Variants in PTCD2 observed in about 807,000 individuals in gnomAD.
The protein encoded by PTCD2 is pentatricopeptide repeat domain 2, also known as pentatricopeptide repeat-containing protein 2, mitochondrial.
In PTCD2, 31 loss-of-function variants were observed where a neutral mutation model predicts 42.6. The observed-to-expected ratio is 0.73, with a 90% CI of 0.55 to 0.98. The LOEUF is 0.98. PTCD2 is among the 50% of genes least tolerant of loss of function. PTCD2 has a pLI of 0.00. For synonymous variants in PTCD2, 183 were observed against 170.9 expected, an observed-to-expected ratio of 1.07 and a Z score of -0.55; for missense variants, 476 against 454.8, an observed-to-expected ratio of 1.05 and a Z score of -0.42.
chr5:72,331,617 C>T (rs1416172217), intron 4 of PTCD2, among the ~76,000 whole-genome samples: 1 of 152,112 alleles, frequency 6.6e-6, no homozygotes, highest in Non-Finnish European at 1.5e-5. Context: ...GGATGTGTAT[C>T]AATGTGGGTT....
chr5:72,363,900 T>G lies in PTCD2; in HGVS notation c.*5473T>G, dbSNP rs1192134428. The G allele has an allele frequency of 6.6e-6, 1 of 152,204 alleles. No individual in the cohort carries two copies. Among genetic ancestry groups the G allele is most frequent in the African/African-American group, 2.4e-5 (1 of 41,452 alleles). 9.4% of individuals were successfully genotyped at this position (152,204 alleles called of 1,614,324 possible). A position where few individuals can be genotyped will look rare whatever the true frequency, so the allele number is the denominator to read the frequency against. ...AAATTTCCTTCATAACATTTCTACC[T>G]ATAAATTTGATTCAGAGAAATTACA... On this transcript the variant is annotated 3_prime_UTR_variant, in exon 10 of 10. Transcript: ENST00000380639.
chr5:72,339,550 C>G (rs528855177), intron 7 of PTCD2, among the ~76,000 whole-genome samples: 6 of 152,204 alleles, frequency 3.9e-5, no homozygotes, highest in African/African-American at 1.2e-4. Flanking sequence ...TATACACTTC[C>G]CAGCCTTCTG....
chr5:72,339,109 G>A (rs1488548666), intron 7 of PTCD2, among the ~76,000 whole-genome samples: 1 of 152,166 alleles, frequency 6.6e-6, no homozygotes, highest in African/African-American at 2.4e-5. Flanking sequence ...TGTAGAAATG[G>A]GATCCATCAC....
intron 3 of PTCD2, among the ~76,000 whole-genome samples, chr5:72,328,002 A>C (rs373887586): frequency 1.2e-3 from 178 of 152,360 alleles, no homozygotes; most frequent in African/African-American, 4.1e-3. Flanking sequence ...CATGAAAAAA[A>C]TGTCTTTTTT....
intron 1 of PTCD2, 76 bp from the exon 2 acceptor site, chr5:72,322,096 C>T (rs1750889567): frequency 1.3e-6 from 1 of 748,236 alleles, no homozygotes; most frequent in Admixed American, 2.0e-5. Flanking sequence ...TAGAGGTAAT[C>T]CAGCTCTATT....
chr5:72,337,905 G>T (rs930164707), intron 6 of PTCD2, among the ~76,000 whole-genome samples: 4 of 152,198 alleles, frequency 2.6e-5, no homozygotes, highest in African/African-American at 9.6e-5. Flanking sequence ...TTGAAAAAGT[G>T]ATCTGGTCAG....
At chr5:72,335,434 C>A (rs532901529) in intron 5 of PTCD2, 20 of 192,768 alleles carry the variant, frequency 1.0e-4, no homozygotes, top group African/African-American at 4.8e-4. Context: ...CCGGCCTGGG[C>A]GACAGAGCGA....
intron 6 of PTCD2, among the ~76,000 whole-genome samples, chr5:72,337,223 G>GTGATCTCT (rs1407360080): frequency 6.6e-6 from 1 of 152,066 alleles, no homozygotes; most frequent in Non-Finnish European, 1.5e-5. Flanking sequence ...TCTGCCTCAT[G>GTGATCTCT]TGATCTCTGC....
At chr5:72,341,690 G>C (rs1003202089) in intron 7 of PTCD2, among the ~76,000 whole-genome samples, 1 of 152,100 alleles carries the variant, frequency 6.6e-6, no homozygotes, top group African/African-American at 2.4e-5. Flanking sequence ...GCTGCAGTGA[G>C]CCATGATTCC....
At chr5:72,354,332 C>T (rs543623777) in intron 9 of PTCD2, among the ~76,000 whole-genome samples, 2 of 120,258 alleles carry the variant, frequency 1.7e-5, no homozygotes, top group African/African-American at 3.3e-5. Flanking sequence ...ACTAGGGAGT[C>T]GAGATTGCGC....
In PTCD2 at chr5:72,366,968, A is replaced by G. The variant is rs1162098718; in HGVS notation, c.*8541A>G. On this transcript the variant is annotated 3_prime_UTR_variant, in exon 10 of 10. Transcript: ENST00000380639. ...TTGAGAAGGAAAATCCCCCCAATTAACTGTTTGCCTTTATTAACTAAAATC... is the reference window on the plus strand; with the variant it reads ...TTGAGAAGGAAAATCCCCCCAATTAGCTGTTTGCCTTTATTAACTAAAATC... 2.0e-5 allele frequency: 3 copies of G among 152,368 alleles called. No homozygotes were observed. The highest frequency in any genetic ancestry group is 7.2e-5 in the African/African-American group (3 of 41,600). The allele number at this position is 152,368 out of a possible 1,614,324, so 9.4% of individuals were successfully genotyped here.
At chr5:72,348,476 A>G (rs927007405) in intron 8 of PTCD2, among the ~76,000 whole-genome samples, 2 of 152,220 alleles carry the variant, frequency 1.3e-5, no homozygotes, top group Non-Finnish European at 2.9e-5. Context: ...TCCTGTTGCC[A>G]GTGTGACCCA....
chr5:72,350,069 G>A (rs893632632), intron 8 of PTCD2, among the ~76,000 whole-genome samples: 13 of 152,172 alleles, frequency 8.5e-5, no homozygotes, highest in African/African-American at 3.1e-4. Flanking sequence ...TGTTATCGAG[G>A]GCTGGCCAGT....
In PTCD2 at chr5:72,356,835, A is replaced by G. The variant is rs144062060; in HGVS notation, c.943-1368A>G. ...TTGTCTGCAGGCATGGTTGGGAGCC[A>G]TTGTCTCAAAGGAAGATGTGCAGGT... On this transcript the variant is annotated intron_variant, in intron 9 of 9. Transcript: ENST00000380639. 3.7e-4 allele frequency among the ~76,000 whole-genome samples: 56 copies of G among 152,336 alleles called. No homozygotes were observed. The East Asian group carries it at 0.01, about 28-fold the overall frequency.
chr5:72,320,787 C>T lies in PTCD2; in HGVS notation c.127+278C>T, dbSNP rs149480217. 2.6e-4 allele frequency: 110 copies of T among 429,862 alleles called. 2 individuals are homozygous for T. In the East Asian group the frequency reaches 4.5e-3, roughly 17 times the overall value. 26.6% of individuals were successfully genotyped at this position (429,862 alleles called of 1,614,324 possible). On this transcript the variant is annotated intron_variant, in intron 1 of 9. Coordinates refer to ENST00000380639, the MANE Select transcript of PTCD2 (RefSeq NM_024754.5). ...TTCGTCTTCAGGAACATCCCTCCCG[C>T]CTTGGGTGACTTTTATTTATTTATT...
chr5:72,358,330 C>T lies in PTCD2; in HGVS notation c.1070C>T (p.Thr357Ile), dbSNP rs764190753. The part of the protein sequence containing the change: ...TDSLDAVLCH[T>I]PRDRKSHTLL... ...TCTTTGGATGCTGTGCTCTGCCACACCCCCAGGGACAGGAAATCTCACACG... is the reference window on the plus strand; with the variant it reads ...TCTTTGGATGCTGTGCTCTGCCACATCCCCAGGGACAGGAAATCTCACACG... The change falls in exon 10 of 10, where the codon ACC (threonine) becomes ATC (isoleucine). Residue 357 changes from threonine (T) to isoleucine (I), a missense_variant. Transcript: ENST00000380639. The T allele has an allele frequency of 6.2e-7, 1 of 1,613,952 alleles. No homozygotes were observed. Among genetic ancestry groups the T allele is most frequent in the South Asian group, 1.1e-5 (1 of 91,074 alleles).
At chr5:72,343,810 T>C (rs1257596079) in intron 8 of PTCD2, among the ~76,000 whole-genome samples, 1 of 150,566 alleles carries the variant, frequency 6.6e-6, no homozygotes, top group South Asian at 2.1e-4. Context: ...TATAAAAGAC[T>C]GTCTTGTTAT....
chr5:72,352,757 G>A lies in PTCD2; in HGVS notation c.942+3G>A, dbSNP rs761867928. On this transcript the variant is annotated splice_donor_region_variant and intron_variant, in intron 9 of 9. Coordinates refer to ENST00000380639, the MANE Select transcript of PTCD2 (RefSeq NM_024754.5). ...GACATGTGTTCTCGGAGGAAGTGGT[G>A]AGTATGCAAGTGCTGCAGAAATCAT... 2.9e-6 allele frequency: 4 copies of A among 1,360,160 alleles called. No homozygotes were observed. The East Asian group carries it at 6.9e-5, about 23-fold the overall frequency. 84.3% of individuals were successfully genotyped at this position (1,360,160 alleles called of 1,614,324 possible).
chr5:72,340,170 T>TTTTAA (rs1451763232), intron 7 of PTCD2, among the ~76,000 whole-genome samples: 1 of 152,206 alleles, frequency 6.6e-6, no homozygotes, highest in African/African-American at 2.4e-5. Flanking sequence ...ATTTTTGCTC[T>TTTTAA]AGTGGTGACT....
Sources: allele counts gnomAD v4.1 joint callset (sites outside exome capture counted in the v4.1 genomes callset), GRCh38; gene constraint gnomAD v4.1.1; transcripts MANE v1.5; gene names NCBI Gene and HGNC (gene_info 2026-07-23, HGNC 2026-07-21).